Variants in MTMR3 observed in about 807,000 individuals in gnomAD.
The protein encoded by MTMR3 is phosphatidylinositol-3,5-bisphosphate 3-phosphatase MTMR3.
Under a neutral mutation model 132.4 loss-of-function variants are expected in MTMR3, and 32 were observed. The observed-to-expected ratio is 0.24, with a 90% CI of 0.18 to 0.32. The LOEUF (loss-of-function observed/expected upper bound fraction) is 0.32. Among genes scored for constraint, MTMR3 ranks in the 10% least tolerant of loss-of-function variants. The probability of loss-of-function intolerance (pLI) is 1.00; values close to 1 mark genes in which losing one functional copy is unlikely to be tolerated. For synonymous variants in MTMR3, 556 were observed against 550.3 expected, an observed-to-expected ratio of 1.01 and a Z score of -0.14; for missense variants, 1,216 against 1,489.6, an observed-to-expected ratio of 0.82 and a Z score of 3.02.
chr22:29,946,700 T>G (rs1262352478), intron 1 of MTMR3, among the ~76,000 whole-genome samples: 1 of 152,084 alleles, frequency 6.6e-6, no homozygotes, highest in Non-Finnish European at 1.5e-5. Context: ...GTATACCAAA[T>G]GGGAGTGCAT....
In MTMR3 at chr22:29,971,052, C is replaced by A. The variant is rs1368789546; in HGVS notation, c.-8C>A. On this transcript the variant is annotated 5_prime_UTR_variant, in exon 3 of 20. Transcript: ENST00000401950. Reference sequence around the variant, plus strand: ...GGGGATTTCTCCTCCTAATCTGGGCCTCTTGTCATGGTAAGTACAAGGAAA... The same window carrying A: ...GGGGATTTCTCCTCCTAATCTGGGCATCTTGTCATGGTAAGTACAAGGAAA... 1 of 1,594,956 alleles carries A rather than the reference C, an allele frequency of 6.3e-7. No homozygotes were observed. Among genetic ancestry groups the A allele is most frequent in the Non-Finnish European group, 8.5e-7 (1 of 1,172,394 alleles).
intron 1 of MTMR3, among the ~76,000 whole-genome samples, chr22:29,954,250 T>TA (rs1363728386): frequency 6.6e-6 from 1 of 151,674 alleles, no homozygotes; most frequent in African/African-American, 2.4e-5. Flanking sequence ...GCTGGCTAAT[T>TA]AAAAAATTTT....
chr22:29,953,590 T>G (rs2066125042), intron 1 of MTMR3, among the ~76,000 whole-genome samples: 1 of 152,240 alleles, frequency 6.6e-6, no homozygotes, highest in Non-Finnish European at 1.5e-5. Flanking sequence ...TGCATGATGA[T>G]ATCCAATACT....
chr22:29,970,017 C>G (rs780672720), intron 2 of MTMR3, among the ~76,000 whole-genome samples: 2 of 152,172 alleles, frequency 1.3e-5, no homozygotes, highest in African/African-American at 2.4e-5. Context: ...GCTTAGCAAA[C>G]TAGAAATGTT....
chr22:30,003,186 C>T (rs2067209305), intron 9 of MTMR3, 193 bp downstream of exon 9: 4 of 439,830 alleles, frequency 9.1e-6, no homozygotes, highest in Non-Finnish European at 1.6e-5. Context: ...AGAACACTAG[C>T]TGGTTGTTCA....
At chr22:29,891,323 GTA>G (rs773951203) in intron 1 of MTMR3, among the ~76,000 whole-genome samples, 26 of 150,378 alleles carry the variant, frequency 1.7e-4, no homozygotes, top group Admixed American at 4.6e-4. Flanking sequence ...GTGTATGTAT[GTA>G]TGTGTGTGTG....
chr22:29,965,514 G>A (rs985455339), intron 2 of MTMR3, among the ~76,000 whole-genome samples: 4 of 152,060 alleles, frequency 2.6e-5, no homozygotes, highest in African/African-American at 9.7e-5. Flanking sequence ...GTGAAACCCT[G>A]TCTCTACTAA....
At chr22:29,989,498 A>T (rs927370188) in intron 6 of MTMR3, 7 of 152,172 alleles carry the variant, frequency 4.6e-5, no homozygotes, top group Non-Finnish European at 7.3e-5. Context: ...AAGTGCTGGG[A>T]TTACAGGCAT....
intron 6 of MTMR3, 84 bp from the exon 7 acceptor site, chr22:29,991,419 TG>T: frequency 7.3e-7 from 1 of 1,370,004 alleles, no homozygotes. Flanking sequence ...TCACTACGAG[TG>T]GGCATTCTTG....
chr22:30,012,686 T>G, intron 13 of MTMR3, 123 bp downstream of exon 13: 2 of 1,058,646 alleles, frequency 1.9e-6, no homozygotes, highest in East Asian at 4.9e-5. Flanking sequence ...TTTTGGTCAT[T>G]GTTCCTTTAT....
chr22:29,891,390 A>AAT (rs533527789), intron 1 of MTMR3, among the ~76,000 whole-genome samples: 1 of 146,972 alleles, frequency 6.8e-6, no homozygotes, highest in South Asian at 2.1e-4. Flanking sequence ...CATAATATAT[A>AAT]ATATATATGT....
intron 10 of MTMR3, 64 bp downstream of exon 10, chr22:30,007,383 G>A (rs753751112): frequency 3.4e-6 from 5 of 1,472,396 alleles, no homozygotes; most frequent in Admixed American, 1.8e-5. Context: ...TTCTTGAAAT[G>A]GCCTCTTCCT....
chr22:30,029,252 CTT>C lies in MTMR3; in HGVS notation c.*3453_*3454del, dbSNP rs2067969858. The stretch of plus-strand genomic sequence containing the variant: ...CTGCCAGGTTGTCTTCATCTCAGAA[CTT>C]TCCTATCCTGGCACTCTCGTTACCT... On this transcript the variant is annotated 3_prime_UTR_variant, in exon 20 of 20. Coordinates refer to ENST00000401950, the MANE Select transcript of MTMR3 (RefSeq NM_021090.4). The C allele has an allele frequency of 6.6e-6, 1 of 152,358 alleles. No individual in the cohort carries two copies. The highest frequency in any genetic ancestry group is 2.4e-5 in the African/African-American group (1 of 41,448). The allele number at this position is 152,358 out of a possible 1,614,324, so 9.4% of individuals were successfully genotyped here.
chr22:29,978,263 T>A, intron 3 of MTMR3, 179 bp from the exon 4 acceptor site: 1 of 451,924 alleles, frequency 2.2e-6, no homozygotes, highest in Non-Finnish European at 4.2e-6. Flanking sequence ...TCAGACTAGA[T>A]GTAACTAATG....
intron 1 of MTMR3, 114 bp from the exon 2 acceptor site, chr22:29,956,922 C>G (rs867614850): frequency 6.6e-6 from 1 of 152,304 alleles, no homozygotes. Flanking sequence ...ATTTAAAAAT[C>G]TCATTGTCAT....
At chr22:30,023,686 C>G in intron 19 of MTMR3, 2 of 602,230 alleles carry the variant, frequency 3.3e-6, no homozygotes, top group Non-Finnish European at 6.0e-6. Context: ...CCATGTGCTC[C>G]CCTCCTGATC....
At chr22:29,915,073 TGTG>T (rs1362790440) in intron 1 of MTMR3, among the ~76,000 whole-genome samples, 5 of 152,302 alleles carry the variant, frequency 3.3e-5, no homozygotes, top group African/African-American at 7.2e-5. Context: ...TATGGTCTAT[TGTG>T]GTGAATGTTT....
intron 1 of MTMR3, among the ~76,000 whole-genome samples, chr22:29,953,381 G>T (rs1471658781): frequency 6.6e-6 from 1 of 152,122 alleles, no homozygotes; most frequent in Non-Finnish European, 1.5e-5. Context: ...AAATTGGTGT[G>T]CCTCTTTGCC....
At chr22:30,023,318 A>G in intron 19 of MTMR3, 1 of 815,078 alleles carries the variant, frequency 1.2e-6, no homozygotes, top group East Asian at 2.5e-5. Flanking sequence ...GCTCACCCAC[A>G]CGAGTGGGTG....
Sources: gnomAD v4.1 joint callset for allele counts (sites outside exome capture counted in the v4.1 genomes callset) on GRCh38, gnomAD v4.1.1 for gene constraint, MANE v1.5 for transcripts, NCBI Gene and HGNC (gene_info 2026-07-23, HGNC 2026-07-21) for gene names.